Variants in CYSLTR2 observed in about 807,000 individuals in gnomAD.
CYSLTR2 encodes G-protein coupled receptor GPCR21.
For synonymous variants in CYSLTR2, 179 were observed against 160.8 expected, an observed-to-expected ratio of 1.11 and a Z score of -0.86; for missense variants, 398 against 411.9, an observed-to-expected ratio of 0.97 and a Z score of 0.29.
At position 48,707,615 on chromosome 13, in the gene CYSLTR2, G is replaced by A; in HGVS notation, c.798G>A (p.Leu266=). ...TGTGTTTCCTGCCCTATCACACACTGAGGACCGTCCACTTGACGACATGGA... is the reference window on the plus strand; with the variant it reads ...TGTGTTTCCTGCCCTATCACACACTAAGGACCGTCCACTTGACGACATGGA... ...FFLCFLPYHT[L]RTVHLTTWKV... Residue 266 remains leucine, a synonymous_variant, in exon 5 of 5, where the codon CTG becomes CTA. Coordinates refer to ENST00000682523, the MANE Select transcript of CYSLTR2 (RefSeq NM_001308476.3). 1 of 1,612,620 alleles carries A rather than the reference G, an allele frequency of 6.2e-7. No homozygotes were observed. Among genetic ancestry groups the A allele is most frequent in the African/African-American group, 1.3e-5 (1 of 75,014 alleles).
intron 1 of CYSLTR2, among the ~76,000 whole-genome samples, chr13:48,663,349 T>G (rs1282349809): frequency 1.6e-4 from 25 of 152,136 alleles, no homozygotes; most frequent in Admixed American, 1.6e-3. Context: ...CATACAAAGT[T>G]TAGAACTTTT....
intron 1 of CYSLTR2, among the ~76,000 whole-genome samples, chr13:48,656,062 T>C (rs183757083): frequency 8.0e-5 from 12 of 149,906 alleles, no homozygotes; most frequent in Admixed American, 5.3e-4. Context: ...TATTTGTATA[T>C]ATTTCAAGAA....
intron 4 of CYSLTR2, among the ~76,000 whole-genome samples, chr13:48,701,195 A>T (rs970509131): frequency 6.6e-5 from 10 of 152,260 alleles, no homozygotes; most frequent in African/African-American, 2.2e-4. Flanking sequence ...AGCCGAAAGA[A>T]CAAGGCTGGA....
Position 48,708,106 on chromosome 13 carries a change from G to A in CYSLTR2, c.*248G>A. 1 of 356,648 alleles carries A rather than the reference G, an allele frequency of 2.8e-6. No homozygotes were observed. The highest frequency in any genetic ancestry group is 1.1e-4 in the South Asian group (1 of 8,810). 22.1% of individuals were successfully genotyped at this position (356,648 alleles called of 1,614,324 possible). On this transcript the variant is annotated 3_prime_UTR_variant, in exon 5 of 5. Coordinates refer to ENST00000682523, the MANE Select transcript of CYSLTR2 (RefSeq NM_001308476.3). Reference sequence around the variant, plus strand: ...TCCTGTGGGCTGAAATATCAGACTGGGAAAAAATGCAAAGCACATTGGATC... The same window carrying A: ...TCCTGTGGGCTGAAATATCAGACTGAGAAAAAATGCAAAGCACATTGGATC...
intron 1 of CYSLTR2, among the ~76,000 whole-genome samples, chr13:48,681,525 C>T (rs1393283505): frequency 2.6e-5 from 4 of 152,156 alleles, no homozygotes; most frequent in African/African-American, 9.7e-5. Flanking sequence ...TGCCTTCCTC[C>T]CCAGTTGCTT....
At position 48,707,426 on chromosome 13, in the gene CYSLTR2, T is replaced by C. The variant is rs761383064; in HGVS notation, c.609T>C (p.Tyr203=). The stretch of plus-strand genomic sequence containing the variant: ...TTGCTAAGCTGCAGACCATGAACTA[T>C]ATTGCCTTGGTGGTGGGCTGCCTGC... ...YKIAKLQTMN[Y]IALVVGCLLP... The change falls in exon 5 of 5, where the codon TAT becomes TAC. Residue 203 remains tyrosine, a synonymous_variant. Coordinates refer to ENST00000682523, the MANE Select transcript of CYSLTR2 (RefSeq NM_001308476.3). 6.2e-7 allele frequency: 1 copy of C among 1,614,182 alleles called. No homozygotes were observed. Among genetic ancestry groups the C allele is most frequent in the South Asian group, 1.1e-5 (1 of 91,090 alleles).
chr13:48,677,297 G>T (rs1256404090), intron 1 of CYSLTR2, among the ~76,000 whole-genome samples: 1 of 152,138 alleles, frequency 6.6e-6, no homozygotes, highest in Non-Finnish European at 1.5e-5. Context: ...AGGGCATGGG[G>T]CAGGGAAGGC....
chr13:48,704,658 G>A (rs1566107310), intron 4 of CYSLTR2, among the ~76,000 whole-genome samples: 1 of 151,760 alleles, frequency 6.6e-6, no homozygotes, highest in African/African-American at 2.4e-5. Context: ...CTTTTATTCA[G>A]TTTAATATAT....
At chr13:48,666,724 A>T (rs895647440) in intron 1 of CYSLTR2, among the ~76,000 whole-genome samples, 2 of 151,816 alleles carry the variant, frequency 1.3e-5, no homozygotes, top group Non-Finnish European at 2.9e-5. Context: ...TGAATTCTTC[A>T]TCTCTAGGAT....
rs1340841961 is a variant in CYSLTR2, at chr13:48,693,481, A to C, written c.-132A>C. On this transcript the variant is annotated 5_prime_UTR_variant, in exon 3 of 5. Coordinates refer to ENST00000682523, the MANE Select transcript of CYSLTR2 (RefSeq NM_001308476.3). ...TGAACTAGATATCCCTTGAATGTGC[A>C]CACAAAAAGTGAATGGGTCATTTGA... The C allele has an allele frequency of 1.3e-5, 2 of 152,040 alleles. No homozygotes were observed. Among genetic ancestry groups the C allele is most frequent in the African/African-American group, 4.8e-5 (2 of 41,402 alleles). 9.4% of individuals were successfully genotyped at this position (152,040 alleles called of 1,614,324 possible).
intron 1 of CYSLTR2, among the ~76,000 whole-genome samples, chr13:48,680,962 T>G (rs974046937): frequency 1.2e-4 from 18 of 152,140 alleles, no homozygotes; most frequent in Non-Finnish European, 2.5e-4. Context: ...CCCTGCTTTT[T>G]GCTGGTAGCC....
At chr13:48,703,625 T>C (rs1303800660) in intron 4 of CYSLTR2, among the ~76,000 whole-genome samples, 1 of 152,250 alleles carries the variant, frequency 6.6e-6, no homozygotes, top group Non-Finnish European at 1.5e-5. Flanking sequence ...TTTTATTTGA[T>C]GGTATTTTGC....
chr13:48,700,843 G>C lies in CYSLTR2; in HGVS notation c.-2+4217G>C, dbSNP rs565693923. 9.3e-4 allele frequency among the ~76,000 whole-genome samples: 142 copies of C among 152,246 alleles called. 3 individuals are homozygous for C. In the South Asian group the frequency reaches 0.029, roughly 31 times the overall value. On this transcript the variant is annotated intron_variant, in intron 4 of 4. Transcript: ENST00000682523. ...ACAAAATCAAGTGCAAAAATCACAA[G>C]CATTCCTATATGCTAATAACAGACA...
intron 1 of CYSLTR2, among the ~76,000 whole-genome samples, chr13:48,686,915 C>T (rs147785121): frequency 7.3e-4 from 111 of 152,212 alleles, no homozygotes; most frequent in African/African-American, 2.5e-3. Context: ...ATGACTTCTG[C>T]GTATGTCTGT....
intron 1 of CYSLTR2, among the ~76,000 whole-genome samples, chr13:48,677,107 A>G (rs1953617644): frequency 6.6e-6 from 1 of 152,164 alleles, no homozygotes; most frequent in African/African-American, 2.4e-5. Flanking sequence ...ATGGAAAACC[A>G]TGAGGCCTCA....
chr13:48,707,174 T>C lies in CYSLTR2; in HGVS notation c.357T>C (p.Tyr119=). The C allele has an allele frequency of 1.9e-6, 3 of 1,614,246 alleles. No individual in the cohort carries two copies. Among genetic ancestry groups the C allele is most frequent in the Non-Finnish European group, 2.5e-6 (3 of 1,180,044 alleles). The part of the protein sequence containing the change: ...LACRIMSYSL[Y]VNMYSSIYFL... ...GCAGGATTATGTCTTATTCCTTGTA[T>C]GTCAACATGTACAGCAGTATTTATT... is the stretch of plus-strand genomic sequence containing the variant. Residue 119 remains tyrosine (Y), a synonymous_variant, in exon 5 of 5, where the codon TAT becomes TAC. Transcript: ENST00000682523.
At position 48,706,969 on chromosome 13, in the gene CYSLTR2, G is replaced by A; in HGVS notation, c.152G>A (p.Trp51Ter). The A allele has an allele frequency of 1.2e-6, 2 of 1,614,176 alleles. No individual in the cohort carries two copies. Among genetic ancestry groups the A allele is most frequent in the Non-Finnish European group, 1.7e-6 (2 of 1,180,034 alleles). ...ATTGTATATCTGATAATATTTTTCT[G>A]GGGAGTCTTGGGAAATGGGTTGTCC... is the stretch of plus-strand genomic sequence containing the variant. ...FPIVYLIIFF[W>*]GVLGNGLSIY... The change falls in exon 5 of 5, where the codon TGG becomes TAG. Residue 51 changes from tryptophan to a stop codon, truncating the protein, a stop_gained. Coordinates refer to ENST00000682523, the MANE Select transcript of CYSLTR2 (RefSeq NM_001308476.3). LOFTEE classifies it low-confidence loss of function (END_TRUNC).
At chr13:48,679,433 T>C (rs969642868) in intron 1 of CYSLTR2, among the ~76,000 whole-genome samples, 5 of 152,100 alleles carry the variant, frequency 3.3e-5, no homozygotes, top group Non-Finnish European at 5.9e-5. Flanking sequence ...CAGGGCTGAG[T>C]ATATGTGGCA....
chr13:48,657,994 C>T (rs902979096), intron 1 of CYSLTR2, among the ~76,000 whole-genome samples: 10 of 151,936 alleles, frequency 6.6e-5, no homozygotes, highest in African/African-American at 1.9e-4. Context: ...TTGAGTCTTA[C>T]CTTAAAAATA....
Sources: allele counts gnomAD v4.1 joint callset (sites outside exome capture counted in the v4.1 genomes callset), GRCh38; gene constraint gnomAD v4.1.1; transcripts MANE v1.5; gene names NCBI Gene and HGNC (gene_info 2026-07-23, HGNC 2026-07-21).